Variants in SP100 observed in about 807,000 individuals in gnomAD.
The protein encoded by SP100 is nuclear autoantigen Sp-100.
Under a neutral mutation model 130.0 loss-of-function variants are expected in SP100, and 84 were observed. The ratio of observed to expected loss-of-function variants is 0.65; its 90% CI spans 0.54 to 0.77. The LOEUF (loss-of-function observed/expected upper bound fraction) is 0.77, where lower values mean the gene tolerates loss of function less well. Ranked by LOEUF, SP100 falls within the 30% of genes least tolerant of loss-of-function variation. The pLI, the probability that SP100 is intolerant of heterozygous loss-of-function variation, is 0.00. For synonymous variants in SP100, 331 were observed against 351.7 expected, an observed-to-expected ratio of 0.94 and a Z score of 0.66; for missense variants, 978 against 1,052.2, an observed-to-expected ratio of 0.93 and a Z score of 0.97.
intron 24 of SP100, chr2:230,514,969 G>A (rs1226647844): frequency 7.3e-6 from 11 of 1,500,414 alleles, no homozygotes; most frequent in African/African-American, 1.4e-5. Flanking sequence ...GCGCAAGTGA[G>A]AGCTGGACAG....
intron 24 of SP100, chr2:230,515,200 T>C (rs144330293): frequency 4.5e-5 from 73 of 1,613,416 alleles, no homozygotes; most frequent in Non-Finnish European, 5.9e-5. Context: ...GAAAGGAAAA[T>C]TTGAAGATAT....
In SP100 at chr2:230,449,550, C is replaced by A; in HGVS notation, c.587-11C>A. On this transcript the variant is annotated splice_polypyrimidine_tract_variant and intron_variant, in intron 6 of 28. Transcript: ENST00000340126. ...GCAAATAAAATACCTGTGAATCAAA[C>A]CATGGTTTAGGTACAACCCCACCTG... The A allele has an allele frequency of 6.2e-7, 1 of 1,613,706 alleles. No individual in the cohort carries two copies. The highest frequency in any genetic ancestry group is 1.3e-5 in the African/African-American group (1 of 74,926).
At chr2:230,536,529 G>T (rs1691947589) in intron 24 of SP100, among the ~76,000 whole-genome samples, 1 of 152,102 alleles carries the variant, frequency 6.6e-6, no homozygotes, top group Non-Finnish European at 1.5e-5. Flanking sequence ...AAACTCACCA[G>T]ATTACTGTAT....
intron 1 of SP100, chr2:230,416,819 G>A: frequency 4.1e-6 from 4 of 985,682 alleles, no homozygotes; most frequent in Non-Finnish European, 4.8e-6. Context: ...GACTGGCTCA[G>A]GGTCTGAGTT....
chr2:230,517,998 G>T (rs969946545), intron 24 of SP100, among the ~76,000 whole-genome samples: 2 of 151,816 alleles, frequency 1.3e-5, no homozygotes, highest in Non-Finnish European at 2.9e-5. Context: ...ATTTCATAGG[G>T]TTTCTTTTCA....
chr2:230,515,925 A>G (rs982134943), intron 24 of SP100: 82 of 1,097,254 alleles, frequency 7.5e-5, no homozygotes, highest in Non-Finnish European at 1.9e-5. Context: ...AATTAGTTGT[A>G]TATGAGGATG....
chr2:230,465,804 G>A (rs2064914440), intron 11 of SP100, among the ~76,000 whole-genome samples: 1 of 152,120 alleles, frequency 6.6e-6, no homozygotes. Flanking sequence ...GAGGATTATG[G>A]AGAGAGCTGG....
intron 24 of SP100, among the ~76,000 whole-genome samples, chr2:230,534,604 C>T (rs111944566): frequency 4.9e-4 from 74 of 152,310 alleles, no homozygotes; most frequent in African/African-American, 1.6e-3. Flanking sequence ...GAGAGACATA[C>T]TAGACTTATT....
At chr2:230,424,236 T>C (rs2062853642) in intron 2 of SP100, among the ~76,000 whole-genome samples, 1 of 152,130 alleles carries the variant, frequency 6.6e-6, no homozygotes, top group Admixed American at 6.6e-5. Flanking sequence ...GTACAGAAGA[T>C]TGATTGCAGA....
intron 2 of SP100, among the ~76,000 whole-genome samples, chr2:230,432,287 G>A (rs2063122237): frequency 6.6e-6 from 1 of 152,076 alleles, no homozygotes; most frequent in South Asian, 2.1e-4. Flanking sequence ...TCATTTGCCA[G>A]TCAATGGAAA....
chr2:230,436,866 GTA>G (rs2063285903), intron 2 of SP100, among the ~76,000 whole-genome samples: 1 of 119,260 alleles, frequency 8.4e-6, no homozygotes, highest in African/African-American at 3.3e-5. Flanking sequence ...GAACACATAT[GTA>G]TATGTGTATA....
rs958619824 is a variant in SP100, at chr2:230,544,612, C to CAGGT, written c.*1667_*1670dup. Among the ~76,000 whole-genome samples the CAGGT allele has an allele frequency of 2.6e-5, 4 of 152,146 alleles. No individual in the cohort carries two copies. The highest frequency in any genetic ancestry group is 2.0e-4 in the Admixed American group (3 of 15,278). ...AAGCAATTCTCCTGCCTCAGCCTCC[C>CAGGT]AGGTGGCTGGGATTACAGGCATGCA... On this transcript the variant is annotated 3_prime_UTR_variant, in exon 29 of 29. Coordinates refer to ENST00000340126, the MANE Select transcript of SP100 (RefSeq NM_001080391.2).
chr2:230,445,327 T>C (rs1575616814), intron 4 of SP100, among the ~76,000 whole-genome samples: 1 of 152,304 alleles, frequency 6.6e-6, no homozygotes, highest in East Asian at 1.9e-4. Flanking sequence ...GCTCTGAAGA[T>C]GGTGGATGCT....
intron 13 of SP100, chr2:230,468,817 CAAAAAAAAAAAAA>C (rs10617635): frequency 4.7e-5 from 7 of 149,798 alleles, no homozygotes; most frequent in South Asian, 1.3e-4. Flanking sequence ...GACCCTGTCT[CAAAAAAAAAAAAA>C]AAAAAAAAAA....
intron 17 of SP100, among the ~76,000 whole-genome samples, chr2:230,479,117 G>A (rs1392737372): frequency 5.9e-5 from 9 of 152,110 alleles, no homozygotes; most frequent in Non-Finnish European, 8.8e-5. Flanking sequence ...CACCGTGCCC[G>A]GCCTAGGATG....
At chr2:230,539,769 C>T (rs1692093020) in intron 25 of SP100, among the ~76,000 whole-genome samples, 2 of 152,172 alleles carry the variant, frequency 1.3e-5, no homozygotes, top group Non-Finnish European at 2.9e-5. Context: ...AGCAGTCTAT[C>T]AAGCCAACTG....
chr2:230,423,527 C>A (rs1244968439), intron 2 of SP100, among the ~76,000 whole-genome samples: 1 of 151,956 alleles, frequency 6.6e-6, no homozygotes, highest in East Asian at 1.9e-4. Context: ...CTATATATTT[C>A]TTTCCTAATT....
At chr2:230,455,833 T>C (rs2064247015) in intron 8 of SP100, among the ~76,000 whole-genome samples, 2 of 152,210 alleles carry the variant, frequency 1.3e-5, no homozygotes, top group Admixed American at 6.5e-5. Flanking sequence ...CAAAACATCT[T>C]ATAACAGGCT....
intron 25 of SP100, among the ~76,000 whole-genome samples, chr2:230,539,842 C>T (rs558911384): frequency 6.6e-6 from 1 of 152,306 alleles, no homozygotes; most frequent in South Asian, 2.1e-4. Context: ...CCCCTGCTCA[C>T]TTCCTTTGCT....
Sources: allele counts gnomAD v4.1 joint callset (sites outside exome capture counted in the v4.1 genomes callset), GRCh38; gene constraint gnomAD v4.1.1; transcripts MANE v1.5; gene names NCBI Gene and HGNC (gene_info 2026-07-23, HGNC 2026-07-21).